VWC2: variants seen among roughly 807,000 people sequenced by gnomAD.
VWC2 encodes the protein von Willebrand factor C domain containing 2.
In VWC2, 14 loss-of-function variants were observed where a neutral mutation model predicts 29.8. The ratio of observed to expected loss-of-function variants is 0.47; its 90% CI spans 0.31 to 0.74. The LOEUF (loss-of-function observed/expected upper bound fraction) is 0.74, where lower values mean the gene tolerates loss of function less well. VWC2 is among the 30% of genes least tolerant of loss of function. VWC2 has a pLI of 0.05. For missense variants in VWC2, 457 were observed against 459.8 expected (o/e 0.99, Z 0.05); for synonymous variants, 213 against 199.0 (o/e 1.07, Z -0.59).
intron 3 of VWC2, among the ~76,000 whole-genome samples, chr7:49,856,929 A>T (rs1182501021): frequency 1.4e-5 from 2 of 140,102 alleles, no homozygotes; most frequent in African/African-American, 2.7e-5. Flanking sequence ...GAATGGTGTG[A>T]ACCTGGGGAG....
intron 2 of VWC2, 146 bp downstream of exon 2, chr7:49,776,277 CCT>C: frequency 2.8e-6 from 2 of 714,614 alleles, no homozygotes; most frequent in Non-Finnish European, 4.5e-6. Flanking sequence ...TTTGACATGA[CCT>C]CTCTTTTTCA....
At chr7:49,857,092 A>G (rs1790458018) in intron 3 of VWC2, among the ~76,000 whole-genome samples, 1 of 147,832 alleles carries the variant, frequency 6.8e-6, no homozygotes, top group African/African-American at 2.5e-5. Flanking sequence ...GCACAATATC[A>G]TATTGTTAAC....
intron 3 of VWC2, among the ~76,000 whole-genome samples, chr7:49,825,211 G>C (rs1307970566): frequency 6.6e-6 from 1 of 152,042 alleles, no homozygotes; most frequent in African/African-American, 2.4e-5. Flanking sequence ...CATTTTTATA[G>C]TTTTCATTTC....
chr7:49,877,481 A>AAAAAAAATATACATAT, intron 3 of VWC2, among the ~76,000 whole-genome samples: 1 of 12,722 alleles, frequency 7.9e-5, no homozygotes, highest in African/African-American at 2.8e-4. Flanking sequence ...AAAAAAAAAA[A>AAAAAAAATATACATAT]ATATATATAT....
chr7:49,866,084 C>G (rs779550098), intron 3 of VWC2, among the ~76,000 whole-genome samples: 1 of 152,088 alleles, frequency 6.6e-6, no homozygotes, highest in Non-Finnish European at 1.5e-5. Flanking sequence ...AAATGTGAAA[C>G]GGTTTCATTC....
At chr7:49,838,632 G>A (rs574452668) in intron 3 of VWC2, among the ~76,000 whole-genome samples, 16 of 152,122 alleles carry the variant, frequency 1.1e-4, no homozygotes, top group East Asian at 1.9e-4. Flanking sequence ...GGAGTAGAAC[G>A]TGGCTCCGTA....
chr7:49,776,037 A>C lies in VWC2; in HGVS notation c.602A>C (p.His201Pro). Residue 201 changes from histidine (H) to proline (P), a missense_variant, in exon 2 of 4, where the codon CAC (histidine) becomes CCC (proline). Physicochemically the swap from His to Pro is moderately conservative, Grantham distance 77 (BLOSUM62 -2). Coordinates refer to ENST00000340652, the MANE Select transcript of VWC2 (RefSeq NM_198570.5). ...ECPRLHPRCI[H>P]VDTSQCCPQC... is the part of the protein sequence containing the mutation. ...CCGAGGCTGCACCCGCGCTGCATCC[A>C]CGTCGACACGAGCCAGTGCTGCCCG... 6.5e-7 allele frequency: 1 copy of C among 1,547,432 alleles called. No individual in the cohort carries two copies. The highest frequency in any genetic ancestry group is 8.7e-7 in the Non-Finnish European group (1 of 1,152,188).
chr7:49,830,199 G>A (rs911296913), intron 3 of VWC2, among the ~76,000 whole-genome samples: 2 of 151,970 alleles, frequency 1.3e-5, no homozygotes, highest in African/African-American at 4.8e-5. Flanking sequence ...GAAATCTTAG[G>A]CATTATCCTT....
At chr7:49,781,348 A>G (rs972529856) in intron 2 of VWC2, among the ~76,000 whole-genome samples, 1 of 152,160 alleles carries the variant, frequency 6.6e-6, no homozygotes. Flanking sequence ...GCTTATTTGC[A>G]TGTTCCATAC....
chr7:49,816,477 A>C (rs1398582836), intron 3 of VWC2, among the ~76,000 whole-genome samples: 1 of 152,176 alleles, frequency 6.6e-6, no homozygotes, highest in Non-Finnish European at 1.5e-5. Context: ...TCAAAAGTTT[A>C]AGAATGGGGC....
chr7:49,786,631 C>A (rs1788304598), intron 2 of VWC2, among the ~76,000 whole-genome samples: 1 of 152,170 alleles, frequency 6.6e-6, no homozygotes, highest in Admixed American at 6.5e-5. Flanking sequence ...TCTCTGCAGC[C>A]TCACAAGCAT....
intron 3 of VWC2, among the ~76,000 whole-genome samples, chr7:49,826,818 G>A (rs550498389): frequency 1.1e-4 from 17 of 152,148 alleles, no homozygotes; most frequent in South Asian, 8.3e-4. Context: ...TAACTAAGTC[G>A]TTTAACAGAC....
chr7:49,885,346 T>TA (rs1562752322), intron 3 of VWC2, among the ~76,000 whole-genome samples: 1 of 152,090 alleles, frequency 6.6e-6, no homozygotes, highest in East Asian at 1.9e-4. Context: ...ACCTAATTTT[T>TA]AAAAAATATC....
At chr7:49,881,773 T>C (rs962289340) in intron 3 of VWC2, among the ~76,000 whole-genome samples, 1 of 152,144 alleles carries the variant, frequency 6.6e-6, no homozygotes, top group African/African-American at 2.4e-5. Flanking sequence ...TCTTTTAAAA[T>C]ATAGATTGAA....
At chr7:49,822,053 A>G (rs1281779411) in intron 3 of VWC2, among the ~76,000 whole-genome samples, 1 of 152,214 alleles carries the variant, frequency 6.6e-6, no homozygotes, top group East Asian at 1.9e-4. Flanking sequence ...TTTCTTTAGA[A>G]ATGGTTGAAC....
intron 2 of VWC2, among the ~76,000 whole-genome samples, chr7:49,780,100 G>A (rs988030731): frequency 6.6e-6 from 1 of 152,218 alleles, no homozygotes; most frequent in South Asian, 2.1e-4. Flanking sequence ...TAACGAGGTA[G>A]TAACAGTGGG....
chr7:49,885,247 G>A (rs945157596), intron 3 of VWC2, among the ~76,000 whole-genome samples: 16 of 152,058 alleles, frequency 1.1e-4, no homozygotes, highest in African/African-American at 3.6e-4. Flanking sequence ...TTTGAAAAGC[G>A]AGTAATATGT....
At chr7:49,865,275 A>T (rs1400229895) in intron 3 of VWC2, among the ~76,000 whole-genome samples, 1 of 152,188 alleles carries the variant, frequency 6.6e-6, no homozygotes, top group Middle Eastern at 3.2e-3. Flanking sequence ...TGATCTCTGA[A>T]ATCTGAGTAC....
intron 2 of VWC2, among the ~76,000 whole-genome samples, chr7:49,787,366 A>G (rs1788322460): frequency 6.6e-6 from 1 of 152,250 alleles, no homozygotes; most frequent in Non-Finnish European, 1.5e-5. Context: ...AAGAGAGCTC[A>G]ATATTTTTGT....
Sources: gnomAD v4.1 joint callset for allele counts (sites outside exome capture counted in the v4.1 genomes callset) on GRCh38, gnomAD v4.1.1 for gene constraint, MANE v1.5 for transcripts, NCBI Gene and HGNC (gene_info 2026-07-23, HGNC 2026-07-21) for gene names.